Variants in ZNF208 observed in about 807,000 individuals in gnomAD.
The protein encoded by ZNF208 is zinc finger protein 95.
ZNF208 carries 10 observed loss-of-function variants against 12.1 expected under a neutral mutation model. The ratio of observed to expected loss-of-function variants is 0.83; its 90% CI spans 0.51 to 1.40. ZNF208 has a LOEUF of 1.40. Among genes scored for constraint, ZNF208 ranks in the 40% most tolerant of loss-of-function variants. The pLI is 0.00. For missense variants in ZNF208, 1,652 were observed against 1,485.0 expected, an observed-to-expected ratio of 1.11 and a Z score of -1.85; for synonymous variants, 497 against 488.4, an observed-to-expected ratio of 1.02 and a Z score of -0.23.
At chr19:22,010,127 G>A (rs1971118992) in intron 1 of ZNF208, among the ~76,000 whole-genome samples, 1 of 152,114 alleles carries the variant, frequency 6.6e-6, no homozygotes, top group Admixed American at 6.5e-5. Flanking sequence ...GGAGCTTGCA[G>A]TGAGACAAGA....
intron 3 of ZNF208, among the ~76,000 whole-genome samples, chr19:21,976,919 C>G (rs1001903455): frequency 1.3e-5 from 2 of 151,454 alleles, no homozygotes; most frequent in Non-Finnish European, 2.9e-5. Flanking sequence ...TCAGTTGAAA[C>G]CTAATGTTAA....
intron 1 of ZNF208, among the ~76,000 whole-genome samples, chr19:21,994,003 A>T (rs1041844625): frequency 1.3e-5 from 2 of 152,226 alleles, no homozygotes; most frequent in Admixed American, 6.5e-5. Context: ...TTCAGTTGAT[A>T]CTAAGTGTTC....
intron 3 of ZNF208, among the ~76,000 whole-genome samples, chr19:21,978,254 C>T (rs1349751225): frequency 6.6e-6 from 1 of 152,144 alleles, no homozygotes; most frequent in Non-Finnish European, 1.5e-5. Context: ...CAAGTGGGTC[C>T]CTGACACCCG....
At chr19:21,960,319 G>A (rs2145526921) in intron 4 of ZNF208, among the ~76,000 whole-genome samples, 1 of 151,880 alleles carries the variant, frequency 6.6e-6, no homozygotes, top group Middle Eastern at 3.4e-3. Flanking sequence ...AGAAGGCATA[G>A]AAATAAAGGT....
intron 3 of ZNF208, among the ~76,000 whole-genome samples, chr19:21,982,759 G>A (rs1568449167): frequency 6.6e-6 from 1 of 152,122 alleles, no homozygotes; most frequent in Non-Finnish European, 1.5e-5. Context: ...AGCAAGCAAT[G>A]GGAAAAGGAT....
At chr19:21,994,400 C>G (rs1353573514) in intron 1 of ZNF208, among the ~76,000 whole-genome samples, 1 of 152,120 alleles carries the variant, frequency 6.6e-6, no homozygotes. Flanking sequence ...AAACTCTGAT[C>G]TCTTCTAATC....
chr19:21,978,775 A>C (rs1209763699), intron 3 of ZNF208, among the ~76,000 whole-genome samples: 2 of 152,202 alleles, frequency 1.3e-5, no homozygotes. Context: ...GGTTATAACA[A>C]ACTCCTCCAA....
downstream of ZNF208, among the ~76,000 whole-genome samples, chr19:21,963,383 T>A (rs1374460752): frequency 6.6e-6 from 1 of 152,070 alleles, no homozygotes; most frequent in Admixed American, 6.6e-5. Context: ...AAAAGACTTT[T>A]TGAAGTTGGA....
At chr19:22,007,551 T>A (rs1343789168) in intron 1 of ZNF208, among the ~76,000 whole-genome samples, 3 of 146,982 alleles carry the variant, frequency 2.0e-5, no homozygotes, top group African/African-American at 5.0e-5. Context: ...AAAAAACTCC[T>A]AAATTCACTC....
chr19:21,974,454 T>C lies in ZNF208; in HGVS notation c.580A>G (p.Ile194Val), dbSNP rs2145552289. Residue 194 changes from isoleucine to valine, a missense_variant, in exon 4 of 4, where the codon ATT becomes GTT. Physicochemically the swap from Ile to Val is conservative, Grantham distance 29. This residue lies in a region of ZNF208 where 410 missense variants were observed against 378.2 expected (regional missense o/e 1.08). Coordinates refer to ENST00000397126, the MANE Select transcript of ZNF208 (RefSeq NM_007153.3). ...MLSHLSQHKR[I>V]YTRENSYKCE... is the part of the protein sequence containing the mutation. ...TTGTAGGAATTCTCTCTAGTATAAATTCTTTTATGTTGAGATAGGTGTGAA... is the reference window on the plus strand; with the variant it reads ...TTGTAGGAATTCTCTCTAGTATAAACTCTTTTATGTTGAGATAGGTGTGAA... 1 of 1,613,756 alleles carries C rather than the reference T, an allele frequency of 6.2e-7. No individual in the cohort carries two copies. The highest frequency in any genetic ancestry group is 1.1e-5 in the South Asian group (1 of 91,068).
chr19:21,965,061 C>CA (rs1970140116), downstream of ZNF208, among the ~76,000 whole-genome samples: 2 of 151,932 alleles, frequency 1.3e-5, no homozygotes, highest in Non-Finnish European at 2.9e-5. Flanking sequence ...ACTCTATTTA[C>CA]ACTTAGAAGA....
chr19:21,982,562 C>T (rs1970562456), intron 3 of ZNF208, among the ~76,000 whole-genome samples: 1 of 152,022 alleles, frequency 6.6e-6, no homozygotes, highest in Non-Finnish European at 1.5e-5. Context: ...CCAAGACAAT[C>T]CTAAGCAAAA....
intron 4 of ZNF208, among the ~76,000 whole-genome samples, chr19:21,948,351 C>A (rs1352734694): frequency 6.6e-6 from 1 of 152,158 alleles, no homozygotes; most frequent in African/African-American, 2.4e-5. Flanking sequence ...GTGAGACAAC[C>A]CAGATCTTTG....
intron 1 of ZNF208, among the ~76,000 whole-genome samples, chr19:21,992,755 G>GA (rs1206774425): frequency 2.6e-5 from 4 of 152,134 alleles, no homozygotes; most frequent in Admixed American, 6.6e-5. Flanking sequence ...CTGGTATACA[G>GA]AAAAAATATA....
chr19:21,991,317 T>C (rs1970729907), intron 1 of ZNF208: 4 of 151,908 alleles, frequency 2.6e-5, no homozygotes, highest in Middle Eastern at 3.2e-3. Flanking sequence ...ATTCTCTAAC[T>C]CTGATAAAAG....
At chr19:21,984,148 T>G (rs1310587917) in intron 3 of ZNF208, among the ~76,000 whole-genome samples, 1 of 152,110 alleles carries the variant, frequency 6.6e-6, no homozygotes, top group Admixed American at 6.5e-5. Flanking sequence ...ATAGACCACC[T>G]CTTAAGCCAA....
rs560845311 is a variant in ZNF208, at chr19:21,971,784, G to T, written c.3250C>A (p.Pro1084Thr). The T allele has an allele frequency of 4.3e-6, 7 of 1,613,860 alleles. No homozygotes were observed. The highest frequency in any genetic ancestry group is 5.9e-6 in the Non-Finnish European group (7 of 1,179,938). Residue 1084 changes from proline (P) to threonine (T), a missense_variant, in exon 4 of 4, where the codon CCC (proline) becomes ACC (threonine). Coordinates refer to ENST00000397126, the MANE Select transcript of ZNF208 (RefSeq NM_007153.3). ...EHKATHAGEEPYKCEECGKAF... is the reference protein window; with the variant it reads ...EHKATHAGEETYKCEECGKAF... Reference sequence around the variant, plus strand: ...TTGCCACATTCTTCACATTTGTAGGGTTCCTCTCCAGCATGAGTTGCCTTA... The same window carrying T: ...TTGCCACATTCTTCACATTTGTAGGTTTCCTCTCCAGCATGAGTTGCCTTA...
chr19:21,996,626 G>C (rs1010762008), intron 1 of ZNF208, among the ~76,000 whole-genome samples: 1 of 152,116 alleles, frequency 6.6e-6, no homozygotes, highest in Non-Finnish European at 1.5e-5. Flanking sequence ...TTCAGGTCCT[G>C]CATGGGTAAA....
At chr19:21,960,167 G>A (rs1398381304) in intron 4 of ZNF208, among the ~76,000 whole-genome samples, 4 of 151,942 alleles carry the variant, frequency 2.6e-5, no homozygotes, top group Admixed American at 1.3e-4. Flanking sequence ...GATTACCAGG[G>A]GCTAGAAAAT....
Sources: allele counts gnomAD v4.1 joint callset (sites outside exome capture counted in the v4.1 genomes callset), GRCh38; gene constraint gnomAD v4.1.1; regional missense constraint gnomAD v4.1.1; transcripts MANE v1.5; gene names NCBI Gene and HGNC (gene_info 2026-07-23, HGNC 2026-07-21).